Variants in IGF2BP1 observed in about 807,000 individuals in gnomAD.
IGF2BP1 encodes the protein insulin-like growth factor 2 mRNA-binding protein 1.
In IGF2BP1, 11 loss-of-function variants were observed where a neutral mutation model predicts 74.9. The ratio of observed to expected loss-of-function variants is 0.15; its 90% CI spans 0.09 to 0.24. The LOEUF is 0.24. Ranked by LOEUF, IGF2BP1 falls within the 10% of genes least tolerant of loss-of-function variation. The pLI is 1.00. For missense variants in IGF2BP1, 440 were observed against 757.4 expected (o/e 0.58, Z 4.92); for synonymous variants, 287 against 281.8 (o/e 1.02, Z -0.18).
chr17:49,025,140 C>T lies in IGF2BP1; in HGVS notation c.237-478C>T, dbSNP rs894411190. On this transcript the variant is annotated intron_variant, in intron 2 of 14. Coordinates refer to ENST00000290341, the MANE Select transcript of IGF2BP1 (RefSeq NM_006546.4). Reference sequence around the variant, plus strand: ...CCAGGGGGCAGAGGTTACAGTGAGCCGAGATCGCACCATTGCACTCCAGCC... The same window carrying T: ...CCAGGGGGCAGAGGTTACAGTGAGCTGAGATCGCACCATTGCACTCCAGCC... Among the ~76,000 whole-genome samples the T allele has an allele frequency of 2.6e-5, 4 of 152,082 alleles. No homozygotes were observed. In the East Asian group the frequency reaches 7.7e-4, roughly 29 times the overall value.
chr17:49,019,938 A>ATATATATATATT (rs1301158227), intron 2 of IGF2BP1, among the ~76,000 whole-genome samples: 292 of 57,192 alleles, frequency 5.1e-3, no homozygotes, highest in East Asian at 7.7e-3. Context: ...ATATATATAT[A>ATATATATATATT]TATATATATA....
chr17:49,049,006 C>G lies in IGF2BP1; in HGVS notation c.1642-346C>G, dbSNP rs541376999. Among the ~76,000 whole-genome samples the G allele has an allele frequency of 2.0e-5, 3 of 151,192 alleles. No individual in the cohort carries two copies. In the South Asian group the frequency reaches 6.2e-4, roughly 31 times the overall value. On this transcript the variant is annotated intron_variant, in intron 14 of 14. Transcript: ENST00000290341. ...TATGTAATATATTTCTGCCTAGAAACTCTAGGCATTCTGTTTTGCGTTTGG... is the reference window on the plus strand; with the variant it reads ...TATGTAATATATTTCTGCCTAGAAAGTCTAGGCATTCTGTTTTGCGTTTGG...
At chr17:49,023,965 G>T (rs896831936) in intron 2 of IGF2BP1, among the ~76,000 whole-genome samples, 6 of 150,078 alleles carry the variant, frequency 4.0e-5, no homozygotes, top group Non-Finnish European at 7.4e-5. Context: ...TGCCCAGGCT[G>T]CAGTGCAGTG....
At chr17:49,016,596 G>A (rs1407350408) in intron 2 of IGF2BP1, among the ~76,000 whole-genome samples, 5 of 152,156 alleles carry the variant, frequency 3.3e-5, no homozygotes, top group Non-Finnish European at 7.4e-5. Context: ...GGCAGTGCGT[G>A]TATGCCACAT....
chr17:49,032,121 A>G (rs2041929114), intron 5 of IGF2BP1, 148 bp downstream of exon 5: 1 of 645,912 alleles, frequency 1.5e-6, no homozygotes, highest in Admixed American at 2.8e-5. Context: ...CAAACCTAGA[A>G]TCTTCCATAA....
At chr17:49,020,459 GAGAT>G (rs1237643726) in intron 2 of IGF2BP1, among the ~76,000 whole-genome samples, 1 of 152,224 alleles carries the variant, frequency 6.6e-6, no homozygotes, top group Non-Finnish European at 1.5e-5. Context: ...CCAGGGTACT[GAGAT>G]AGAGAGGTTG....
In IGF2BP1 at chr17:49,053,100, C is replaced by T. The variant is rs929458891; in HGVS notation, c.*3656C>T. On this transcript the variant is annotated 3_prime_UTR_variant, in exon 15 of 15. Coordinates refer to ENST00000290341, the MANE Select transcript of IGF2BP1 (RefSeq NM_006546.4). ...GAGTTTTATAGCCCTTTTCTACTTT[C>T]CTCCCCTCCTCCCAGTCCTTATCAA... 6.6e-6 allele frequency: 1 copy of T among 152,214 alleles called. No homozygotes were observed. Among genetic ancestry groups the T allele is most frequent in the African/African-American group, 2.4e-5 (1 of 41,434 alleles). The allele number at this position is 152,214 out of a possible 1,614,324, so 9.4% of individuals were successfully genotyped here.
At position 48,997,971 on chromosome 17, in the gene IGF2BP1, C is replaced by G. The variant is rs764163115; in HGVS notation, c.175+51C>G. The G allele has an allele frequency of 1.9e-6, 3 of 1,582,516 alleles. No individual in the cohort carries two copies. Among genetic ancestry groups the G allele is most frequent in the Non-Finnish European group, 1.7e-6 (2 of 1,161,076 alleles). ...AAGCCACAACGAGAGCCCCGAACAACGGAGACCCGCACCTTCCGGTTCCTC... is the reference window on the plus strand; with the variant it reads ...AAGCCACAACGAGAGCCCCGAACAAGGGAGACCCGCACCTTCCGGTTCCTC... On this transcript the variant is annotated intron_variant, in intron 1 of 14. Coordinates refer to ENST00000290341, the MANE Select transcript of IGF2BP1 (RefSeq NM_006546.4). This position sits in a 1 kb window ranked among gnomAD's most constrained non-coding sequence, Gnocchi z 4.8.
At chr17:49,000,473 T>C (rs2041475937) in intron 2 of IGF2BP1, among the ~76,000 whole-genome samples, 1 of 152,196 alleles carries the variant, frequency 6.6e-6, no homozygotes, top group African/African-American at 2.4e-5. Flanking sequence ...TACCGTGTTA[T>C]TGGAAAGGCA....
At chr17:49,047,887 G>A (rs537383492) in intron 14 of IGF2BP1, among the ~76,000 whole-genome samples, 1 of 151,990 alleles carries the variant, frequency 6.6e-6, no homozygotes, top group African/African-American at 2.4e-5. Flanking sequence ...GCTAATTTTT[G>A]TATTTTTTTG....
At chr17:49,026,361 G>A in intron 3 of IGF2BP1, 105 bp from the exon 4 acceptor site, 5 of 951,900 alleles carry the variant, frequency 5.3e-6, no homozygotes, top group Non-Finnish European at 8.6e-6. Context: ...CACTCCTATG[G>A]CTCTGTCAAT....
chr17:49,039,986 G>A lies in IGF2BP1; in HGVS notation c.713G>A (p.Gly238Asp). Residue 238 changes from glycine to aspartate, a missense_variant, in exon 7 of 15, where the codon GGT (glycine) becomes GAT (aspartate). Physicochemically the swap from Gly to Asp is moderately conservative, Grantham distance 94. Coordinates refer to ENST00000290341, the MANE Select transcript of IGF2BP1 (RefSeq NM_006546.4). ...KIDVHRKENA[G>D]AAEKAISVHS... ...GACGTGCATAGGAAGGAGAACGCAG[G>A]TGCAGCTGAAAAAGCCATCAGTGTG... is the stretch of plus-strand genomic sequence containing the variant. 1.2e-6 allele frequency: 2 copies of A among 1,613,120 alleles called. No individual in the cohort carries two copies. The highest frequency in any genetic ancestry group is 1.7e-6 in the Non-Finnish European group (2 of 1,180,014).
At chr17:48,999,722 C>A (rs552036144) in intron 2 of IGF2BP1, among the ~76,000 whole-genome samples, 1 of 151,746 alleles carries the variant, frequency 6.6e-6, no homozygotes, top group Non-Finnish European at 1.5e-5. Context: ...GGACCCCCCA[C>A]CCCCAATCCC....
chr17:49,044,189 G>C (rs62078405), intron 11 of IGF2BP1, 103 bp downstream of exon 11: 51,334 of 1,464,716 alleles, frequency 0.035, 1,167 homozygotes, highest in East Asian at 0.11. Flanking sequence ...TGAGAATTCT[G>C]TGTGTCATAT....
At chr17:49,026,402 G>T (rs75704016) in intron 3 of IGF2BP1, 64 bp from the exon 4 acceptor site, 30,462 of 1,466,018 alleles carry the variant, frequency 0.021, 567 homozygotes, top group South Asian at 0.067. Flanking sequence ...AGGGTGTCCA[G>T]TGGCTGCTTT....
rs543968705 is a variant in IGF2BP1, at chr17:49,048,010, C to T, written c.1642-1342C>T. Among the ~76,000 whole-genome samples the T allele has an allele frequency of 2.6e-3, 402 of 151,910 alleles. 1 individual carries two copies. Among genetic ancestry groups the T allele is most frequent in the African/African-American group, 9.4e-3 (389 of 41,444 alleles). On this transcript the variant is annotated intron_variant, in intron 14 of 14. Transcript: ENST00000290341. ...GGATTACAGGCATGAGCCACAATGCCCAGCCTCAGCTGCTTCTTTAACCAG... is the reference window on the plus strand; with the variant it reads ...GGATTACAGGCATGAGCCACAATGCTCAGCCTCAGCTGCTTCTTTAACCAG...
chr17:49,023,436 C>T (rs1372276141), intron 2 of IGF2BP1, among the ~76,000 whole-genome samples: 1 of 150,864 alleles, frequency 6.6e-6, no homozygotes, highest in African/African-American at 2.4e-5. Flanking sequence ...TCATAAAGAT[C>T]TTGCTGTACC....
At position 49,049,503 on chromosome 17, in the gene IGF2BP1, C is replaced by T. The variant is rs545575439; in HGVS notation, c.*59C>T. Reference sequence around the variant, plus strand: ...ACAACGGGCAGAAATCGAGAGTGTGCTCTCCCCGGCAGGCCTGAGAATGAG... The same window carrying T: ...ACAACGGGCAGAAATCGAGAGTGTGTTCTCCCCGGCAGGCCTGAGAATGAG... On this transcript the variant is annotated 3_prime_UTR_variant, in exon 15 of 15. Transcript: ENST00000290341. 41 of 1,445,926 alleles carry T rather than the reference C, an allele frequency of 2.8e-5. No homozygotes were observed. The highest frequency in any genetic ancestry group is 3.9e-5 in the Non-Finnish European group (40 of 1,035,560). The allele number at this position is 1,445,926 out of a possible 1,614,324, so 89.6% of individuals were successfully genotyped here. A position where few individuals can be genotyped will look rare whatever the true frequency, so the allele number is the denominator to read the frequency against.
Position 49,042,285 on chromosome 17 carries a change from G to A in IGF2BP1, c.985G>A (p.Val329Met), listed in dbSNP as rs369838701. ...TLYNPERTIT[V>M]KGAIENCCRA... is the part of the protein sequence containing the mutation. ...TTACAACCCTGAGAGGACCATCACT[G>A]TGAAGGGGGCCATCGAGAATTGTTG... Residue 329 changes from valine (V) to methionine (M), a missense_variant, in exon 9 of 15, where the codon GTG (valine) becomes ATG (methionine). Coordinates refer to ENST00000290341, the MANE Select transcript of IGF2BP1 (RefSeq NM_006546.4). 1.1e-5 allele frequency: 17 copies of A among 1,614,074 alleles called. No homozygotes were observed. The highest frequency in any genetic ancestry group is 1.4e-5 in the Non-Finnish European group (17 of 1,180,042).
Sources: gnomAD v4.1 joint callset for allele counts (sites outside exome capture counted in the v4.1 genomes callset) on GRCh38, gnomAD v4.1.1 for gene constraint, Gnocchi (gnomAD v3.1) non-coding constraint, MANE v1.5 for transcripts, NCBI Gene and HGNC (gene_info 2026-07-23, HGNC 2026-07-21) for gene names.